Variants in WDTC1 observed in about 807,000 individuals in gnomAD.
WDTC1 encodes WD and tetratricopeptide repeats protein 1.
In WDTC1, 12 loss-of-function variants were observed where a neutral mutation model predicts 76.0. That is an observed-to-expected ratio of 0.16 (90% CI 0.10 to 0.26). WDTC1 has a LOEUF of 0.26. Ranked by LOEUF, WDTC1 falls within the 10% of genes least tolerant of loss-of-function variation. WDTC1 has a pLI of 1.00. For missense variants in WDTC1, 511 were observed against 908.8 expected, an observed-to-expected ratio of 0.56 and a Z score of 5.63; for synonymous variants, 326 against 350.8, an observed-to-expected ratio of 0.93 and a Z score of 0.79.
At position 27,294,633 on chromosome 1, in the gene WDTC1, T is replaced by C. The variant is rs771889062; in HGVS notation, c.873+4T>C. ...AGTCAACATGGGGGGGGAACAGGTA[T>C]GTACAGCATAAGGTGGTTCTGCCCC... On this transcript the variant is annotated splice_donor_region_variant and intron_variant, in intron 9 of 15. Coordinates refer to ENST00000319394, the MANE Select transcript of WDTC1 (RefSeq NM_001276252.2). The C allele has an allele frequency of 1.9e-5, 30 of 1,613,350 alleles. No individual in the cohort carries two copies. The highest frequency in any genetic ancestry group is 3.3e-5 in the South Asian group (3 of 91,056).
chr1:27,285,919 GA>G (rs1237869906), intron 5 of WDTC1, among the ~76,000 whole-genome samples: 3 of 150,306 alleles, frequency 2.0e-5, no homozygotes, highest in Non-Finnish European at 4.4e-5. Flanking sequence ...TTCATTATTT[GA>G]AGCTATGGTT....
chr1:27,300,463 G>A (rs957090004), intron 12 of WDTC1, among the ~76,000 whole-genome samples: 3 of 152,062 alleles, frequency 2.0e-5, no homozygotes, highest in Admixed American at 2.0e-4. Flanking sequence ...GAAAAGGAGG[G>A]GCTTCTCTGA....
At chr1:27,241,003 G>C (rs1433820961) in intron 1 of WDTC1, among the ~76,000 whole-genome samples, 6 of 151,202 alleles carry the variant, frequency 4.0e-5, no homozygotes, top group African/African-American at 1.5e-4. Flanking sequence ...CTTTAAGCCT[G>C]AATAAGGGGA....
intron 1 of WDTC1, among the ~76,000 whole-genome samples, chr1:27,240,509 G>A (rs1363966424): frequency 2.6e-5 from 4 of 152,008 alleles, no homozygotes; most frequent in Admixed American, 2.6e-4. Context: ...CTCACTGATT[G>A]CCCTCAAGAG....
chr1:27,283,561 A>G, intron 5 of WDTC1, 112 bp downstream of exon 5: 1 of 814,340 alleles, frequency 1.2e-6, no homozygotes, highest in South Asian at 1.7e-5. Context: ...GTCTAGGGTC[A>G]CAGACAACCT....
At position 27,301,314 on chromosome 1, in the gene WDTC1, C is replaced by T; in HGVS notation, c.1321C>T (p.Arg441Cys). 3 of 1,614,202 alleles carry T rather than the reference C, an allele frequency of 1.9e-6. No homozygotes were observed. The highest frequency in any genetic ancestry group is 1.1e-5 in the South Asian group (1 of 91,080). Residue 441 changes from arginine to cysteine, a missense_variant, in exon 13 of 16, where the codon CGC (arginine) becomes TGC (cysteine). By Grantham distance (180) the Arg-to-Cys change is radical. Transcript: ENST00000319394. The surrounding 1 kb of genome is among the most constrained non-coding windows in gnomAD (Gnocchi z 5.8). ...CCTGAAGGCACACTTTCGCCTGGCCCGCTGCCTCTTTGAGCTCAAGTATGT... is the reference window on the plus strand; with the variant it reads ...CCTGAAGGCACACTTTCGCCTGGCCTGCTGCCTCTTTGAGCTCAAGTATGT... ...CHLKAHFRLA[R>C]CLFELKYVAE...
Position 27,306,422 on chromosome 1 carries a change from G to A in WDTC1, c.*39G>A. The A allele has an allele frequency of 6.3e-7, 1 of 1,596,682 alleles. No homozygotes were observed. ...GGTCCCCAGCCCCTGCTACTGGCTG[G>A]ACCCTCTGCCCTGGGCAGGAGGTCA... On this transcript the variant is annotated 3_prime_UTR_variant, in exon 16 of 16. Coordinates refer to ENST00000319394, the MANE Select transcript of WDTC1 (RefSeq NM_001276252.2). The surrounding 1 kb of genome is among the most constrained non-coding windows in gnomAD (Gnocchi z 5.0).
chr1:27,279,114 C>A (rs1238214232), intron 3 of WDTC1, among the ~76,000 whole-genome samples: 1 of 152,174 alleles, frequency 6.6e-6, no homozygotes, highest in African/African-American at 2.4e-5. Flanking sequence ...CATCTGAATT[C>A]ATCTTACTGA....
chr1:27,282,315 G>T (rs2013211133), intron 4 of WDTC1, 30 bp downstream of exon 4: 1 of 1,611,654 alleles, frequency 6.2e-7, no homozygotes, highest in Non-Finnish European at 8.5e-7. Flanking sequence ...CCTGAAGGGT[G>T]CTGGGGAAGG....
In WDTC1 at chr1:27,305,221, A is replaced by G; in HGVS notation, c.1836+28A>G. 6.2e-7 allele frequency: 1 copy of G among 1,607,244 alleles called. No homozygotes were observed. The highest frequency in any genetic ancestry group is 8.5e-7 in the Non-Finnish European group (1 of 1,177,284). ...GAGGGTGCAGAGCCAAGCAGAGAGG[A>G]GGGCAGGGACTCTGTGGAAGGCTCC... is the stretch of plus-strand genomic sequence containing the variant. On this transcript the variant is annotated intron_variant, in intron 15 of 15. Coordinates refer to ENST00000319394, the MANE Select transcript of WDTC1 (RefSeq NM_001276252.2). The surrounding 1 kb of genome is among the most constrained non-coding windows in gnomAD (Gnocchi z 4.6).
intron 5 of WDTC1, 58 bp from the exon 6 acceptor site, chr1:27,287,616 C>T: frequency 6.5e-7 from 1 of 1,545,502 alleles, no homozygotes; most frequent in Non-Finnish European, 8.8e-7. Flanking sequence ...AGGCTAGCCT[C>T]CTTCCGTGGC....
intron 13 of WDTC1, among the ~76,000 whole-genome samples, chr1:27,302,463 G>A (rs564620285): frequency 2.0e-5 from 3 of 152,112 alleles, no homozygotes; most frequent in East Asian, 1.9e-4. Flanking sequence ...GGCCTAGCGC[G>A]GTGGCTCACG....
intron 5 of WDTC1, among the ~76,000 whole-genome samples, chr1:27,286,272 G>A (rs960812729): frequency 4.0e-5 from 6 of 150,828 alleles, no homozygotes; most frequent in Non-Finnish European, 5.9e-5. Flanking sequence ...CAAAGTGTTG[G>A]GATTACAGGT....
At position 27,294,607 on chromosome 1, in the gene WDTC1, T is replaced by G; in HGVS notation, c.851T>G (p.Leu284Arg). The change falls in exon 9 of 16, where the codon CTA becomes CGA. Residue 284 changes from leucine (L) to arginine (R), a missense_variant. By Grantham distance (102) the Leu-to-Arg change is moderately radical. Transcript: ENST00000319394. ...VTFSPNGTEL[L>R]VNMGGEQVYL... ...TTCAGCCCCAATGGCACAGAGCTAC[T>G]AGTCAACATGGGGGGGGAACAGGTA... 1 of 1,614,034 alleles carries G rather than the reference T, an allele frequency of 6.2e-7. No homozygotes were observed. Among genetic ancestry groups the G allele is most frequent in the Non-Finnish European group, 8.5e-7 (1 of 1,179,966 alleles).
chr1:27,234,733 G>C lies in WDTC1; in HGVS notation c.-318G>C, dbSNP rs1389786733. 2.5e-6 allele frequency: 1 copy of C among 399,346 alleles called. No homozygotes were observed. Among genetic ancestry groups the C allele is most frequent in the Non-Finnish European group, 4.4e-6 (1 of 226,820 alleles). The allele number at this position is 399,346 out of a possible 1,614,324, so 24.7% of individuals were successfully genotyped here. A position where few individuals can be genotyped will look rare whatever the true frequency, so the allele number is the denominator to read the frequency against. Reference sequence around the variant, plus strand: ...CGCGCGAGGGAGTGTGAGTGTGTGTGAGCGCGGGTGTGAGGCGGTGCGCAG... The same window carrying C: ...CGCGCGAGGGAGTGTGAGTGTGTGTCAGCGCGGGTGTGAGGCGGTGCGCAG... On this transcript the variant is annotated 5_prime_UTR_variant, in exon 1 of 16. Transcript: ENST00000319394.
chr1:27,305,289 AG>A lies in WDTC1; in HGVS notation c.1836+98del. 1 of 1,424,252 alleles carries A rather than the reference AG, an allele frequency of 7.0e-7. No homozygotes were observed. The highest frequency in any genetic ancestry group is 9.3e-7 in the Non-Finnish European group (1 of 1,075,256). The allele number at this position is 1,424,252 out of a possible 1,614,324, so 88.2% of individuals were successfully genotyped here. ...CAGGGAAGAGAAATGAGCCACCCAG[AG>A]GCTAGAAGCTGCTAAGTAAGCCTTA... is the stretch of plus-strand genomic sequence containing the variant. On this transcript the variant is annotated intron_variant, in intron 15 of 15. Coordinates refer to ENST00000319394, the MANE Select transcript of WDTC1 (RefSeq NM_001276252.2). The surrounding 1 kb of genome is among the most constrained non-coding windows in gnomAD (Gnocchi z 4.6).
intron 5 of WDTC1, among the ~76,000 whole-genome samples, chr1:27,283,710 G>A (rs189596234): frequency 1.1e-4 from 16 of 152,268 alleles, no homozygotes; most frequent in Admixed American, 8.5e-4. Context: ...GGTTCTGAAC[G>A]TGAACTTAGA....
chr1:27,266,099 A>G (rs2012655503), intron 3 of WDTC1, among the ~76,000 whole-genome samples: 1 of 152,212 alleles, frequency 6.6e-6, no homozygotes, highest in Admixed American at 6.5e-5. Context: ...CTATAGAGCC[A>G]TGGAATGGGA....
At chr1:27,287,444 ACTGCAGCCTCTGGCTTC>A (rs1474378366) in intron 5 of WDTC1, among the ~76,000 whole-genome samples, 4 of 151,970 alleles carry the variant, frequency 2.6e-5, no homozygotes, top group East Asian at 2.0e-4. Context: ...ATCTCGGCTC[ACTGCAGCCTCTGGCTTC>A]CTGCAGCCTC....
Sources: allele counts gnomAD v4.1 joint callset (sites outside exome capture counted in the v4.1 genomes callset), GRCh38; gene constraint gnomAD v4.1.1; non-coding constraint Gnocchi (gnomAD v3.1); transcripts MANE v1.5; gene names NCBI Gene and HGNC (gene_info 2026-07-23, HGNC 2026-07-21).